The following CLMP variants were observed in gnomAD, a reference collection of about 807,000 sequenced individuals.
CLMP encodes CXADR like cell adhesion molecule, also known as CXADR-like membrane protein.
Under a neutral mutation model 45.2 loss-of-function variants are expected in CLMP, and 27 were observed. The observed-to-expected ratio is 0.60, with a 90% CI of 0.44 to 0.82. The LOEUF is 0.82. Among genes scored for constraint, CLMP ranks in the 40% least tolerant of loss-of-function variants. CLMP has a pLI of 0.00. For missense variants in CLMP, 403 were observed against 448.4 expected (o/e 0.90, Z 0.91); for synonymous variants, 167 against 171.4 (o/e 0.97, Z 0.20).
intron 1 of CLMP, among the ~76,000 whole-genome samples, chr11:123,149,671 G>A (rs1861284889): frequency 6.6e-6 from 1 of 152,176 alleles, no homozygotes; most frequent in African/African-American, 2.4e-5. Context: ...TGCTGTAACT[G>A]GCTAGGCCTG....
intron 1 of CLMP, among the ~76,000 whole-genome samples, chr11:123,105,788 C>T (rs1393983460): frequency 6.6e-6 from 1 of 150,960 alleles, no homozygotes; most frequent in African/African-American, 2.4e-5. Flanking sequence ...AAGAGATGGG[C>T]AGGAGGAACT....
chr11:123,134,225 A>G (rs1194243511), intron 1 of CLMP, among the ~76,000 whole-genome samples: 1 of 150,850 alleles, frequency 6.6e-6, no homozygotes, highest in Non-Finnish European at 1.5e-5. Context: ...TCGCCACTGC[A>G]CTCCAGCCTG....
chr11:123,127,315 T>G (rs898920759), intron 1 of CLMP, among the ~76,000 whole-genome samples: 1 of 151,818 alleles, frequency 6.6e-6, no homozygotes, highest in Non-Finnish European at 1.5e-5. Context: ...AGAGACGGGG[T>G]TTCACCATGT....
At chr11:123,186,276 G>T (rs1287125718) in intron 1 of CLMP, among the ~76,000 whole-genome samples, 2 of 152,130 alleles carry the variant, frequency 1.3e-5, no homozygotes, top group African/African-American at 4.8e-5. Context: ...CATAGTACTT[G>T]CTCAGTTAAA....
intron 1 of CLMP, among the ~76,000 whole-genome samples, chr11:123,177,896 C>T (rs1861719044): frequency 6.6e-6 from 1 of 152,128 alleles, no homozygotes; most frequent in African/African-American, 2.4e-5. Flanking sequence ...CACTCTGTTG[C>T]CCAGGCTGGA....
intron 1 of CLMP, among the ~76,000 whole-genome samples, chr11:123,110,163 A>T (rs1168325665): frequency 1.3e-5 from 2 of 152,108 alleles, no homozygotes; most frequent in Non-Finnish European, 2.9e-5. Context: ...GAGTCCTTGA[A>T]ATAAGTGGTG....
At chr11:123,149,139 T>C (rs1861276900) in intron 1 of CLMP, among the ~76,000 whole-genome samples, 1 of 152,186 alleles carries the variant, frequency 6.6e-6, no homozygotes, top group African/African-American at 2.4e-5. Flanking sequence ...AGGAGATGGC[T>C]GTAAATTACA....
intron 1 of CLMP, among the ~76,000 whole-genome samples, chr11:123,136,558 T>G (rs1186800455): frequency 7.3e-6 from 1 of 137,004 alleles, no homozygotes; most frequent in Non-Finnish European, 1.5e-5. Context: ...TACTTTTAAG[T>G]AATTTTTTTT....
intron 1 of CLMP, among the ~76,000 whole-genome samples, chr11:123,156,182 G>T (rs1861412076): frequency 6.6e-6 from 1 of 152,198 alleles, no homozygotes. Flanking sequence ...ACTGAGGAAA[G>T]GCCGTGTGAG....
intron 1 of CLMP, among the ~76,000 whole-genome samples, chr11:123,102,567 C>A (rs1198305048): frequency 2.7e-5 from 4 of 149,848 alleles, no homozygotes; most frequent in Admixed American, 6.7e-5. Context: ...GTGACAGCCA[C>A]CGTGCCCAGC....
At chr11:123,172,492 CT>C (rs1389842746) in intron 1 of CLMP, among the ~76,000 whole-genome samples, 3 of 151,730 alleles carry the variant, frequency 2.0e-5, no homozygotes, top group Admixed American at 6.6e-5. Context: ...TATTTATTTG[CT>C]TTTTTTTAGA....
At chr11:123,111,624 G>C (rs1229224600) in intron 1 of CLMP, among the ~76,000 whole-genome samples, 1 of 152,128 alleles carries the variant, frequency 6.6e-6, no homozygotes, top group Non-Finnish European at 1.5e-5. Flanking sequence ...TCACCTTTAA[G>C]GTAGTTATTC....
At chr11:123,119,785 C>G (rs546783546) in intron 1 of CLMP, among the ~76,000 whole-genome samples, 3 of 151,982 alleles carry the variant, frequency 2.0e-5, no homozygotes, top group Non-Finnish European at 4.4e-5. Flanking sequence ...CTCCTGGATT[C>G]AAGCGATTCT....
At position 123,190,414 on chromosome 11, in the gene CLMP, T is replaced by TA. The variant is rs1428432205; in HGVS notation, c.28+4498dup. Reference sequence around the variant, plus strand: ...GGACCAGCCAGAAAATTCTCAGAATTAAAAAAAATTCAGAGAATGTTACTG... The same window carrying TA: ...GGACCAGCCAGAAAATTCTCAGAATTAAAAAAAAATTCAGAGAATGTTACTG... On this transcript the variant is annotated intron_variant, in intron 1 of 6. Coordinates refer to ENST00000448775, the MANE Select transcript of CLMP (RefSeq NM_024769.5). Among the ~76,000 whole-genome samples the TA allele has an allele frequency of 1.2e-4, 19 of 152,154 alleles. No individual in the cohort carries two copies. The East Asian group carries it at 3.1e-3, about 25-fold the overall frequency.
chr11:123,154,110 A>C (rs1861380029), intron 1 of CLMP, among the ~76,000 whole-genome samples: 1 of 152,084 alleles, frequency 6.6e-6, no homozygotes, highest in Non-Finnish European at 1.5e-5. Context: ...GATGGCCCAC[A>C]CCAGGATGAG....
At chr11:123,080,476 T>C (rs551905235) in intron 5 of CLMP, among the ~76,000 whole-genome samples, 2 of 152,112 alleles carry the variant, frequency 1.3e-5, no homozygotes, top group Admixed American at 6.6e-5. Context: ...TACGGGCATG[T>C]GCCACCACGC....
At chr11:123,154,647 T>C (rs1251722763) in intron 1 of CLMP, among the ~76,000 whole-genome samples, 2 of 152,048 alleles carry the variant, frequency 1.3e-5, no homozygotes, top group African/African-American at 4.8e-5. Flanking sequence ...TGATTTGGAG[T>C]CAGGAGGTCC....
chr11:123,080,359 G>A (rs540518204), intron 5 of CLMP, among the ~76,000 whole-genome samples: 18 of 141,876 alleles, frequency 1.3e-4, no homozygotes, highest in African/African-American at 4.2e-4. Flanking sequence ...ATGGAGTTTC[G>A]CTCTTGTTGC....
intron 2 of CLMP, 141 bp from the exon 3 acceptor site, chr11:123,084,854 T>A: frequency 1.5e-6 from 1 of 650,198 alleles, no homozygotes; most frequent in Non-Finnish European, 2.6e-6. Context: ...ACCTCTGTTC[T>A]AAATAAAAGT....
Sources: gnomAD v4.1 joint callset for allele counts (sites outside exome capture counted in the v4.1 genomes callset) on GRCh38, gnomAD v4.1.1 for gene constraint, MANE v1.5 for transcripts, NCBI Gene and HGNC (gene_info 2026-07-23, HGNC 2026-07-21) for gene names.